The following PCSK5 variants were observed in gnomAD, a reference collection of about 807,000 sequenced individuals.
PCSK5 encodes prohormone convertase 5.
Under a neutral mutation model 233.2 loss-of-function variants are expected in PCSK5, and 129 were observed. The ratio of observed to expected loss-of-function variants is 0.55; its 90% CI spans 0.48 to 0.64. The LOEUF is 0.64. Ranked by LOEUF, PCSK5 falls within the 30% of genes least tolerant of loss-of-function variation. PCSK5 has a pLI of 0.00. For synonymous variants in PCSK5, 825 were observed against 879.2 expected (o/e 0.94, Z 1.09); for missense variants, 2,076 against 2,430.1 (o/e 0.85, Z 3.06).
chr9:76,104,926 T>C (rs1045994103), intron 8 of PCSK5, among the ~76,000 whole-genome samples: 3 of 152,216 alleles, frequency 2.0e-5, no homozygotes, highest in Admixed American at 2.0e-4. Flanking sequence ...TCTGGTGTGT[T>C]CATGCATTGA....
chr9:76,173,495 C>CTTTTTTTT lies in PCSK5; in HGVS notation c.1757-1491_1757-1490insTTTTTTTT, dbSNP rs1587715951. On this transcript the variant is annotated intron_variant, in intron 13 of 37. Coordinates refer to ENST00000674117, the MANE Select transcript of PCSK5 (RefSeq NM_001372043.1). ...ACTTTAATGAAATGGAGGCACGTTT[C>CTTTTTTTT]CTTTTTTTTTTTTTTTTTTTTTTTT... is the stretch of plus-strand genomic sequence containing the variant. Among the ~76,000 whole-genome samples, 297 of 34,514 alleles carry CTTTTTTTT rather than the reference C, an allele frequency of 8.6e-3. 24 individuals are homozygous for CTTTTTTTT. The highest frequency in any genetic ancestry group is 0.03 in the East Asian group (34 of 1,122). The allele number at this position is 34,514 out of a possible 152,430, so 22.6% of individuals were successfully genotyped here. A position where few individuals can be genotyped will look rare whatever the true frequency, so the allele number is the denominator to read the frequency against.
intron 5 of PCSK5, among the ~76,000 whole-genome samples, chr9:76,044,902 T>C (rs780537027): frequency 6.6e-6 from 1 of 152,198 alleles, no homozygotes; most frequent in Non-Finnish European, 1.5e-5. Flanking sequence ...TTTGTAATAA[T>C]TGGTCATTTA....
chr9:76,136,716 T>C (rs4745507), intron 10 of PCSK5, among the ~76,000 whole-genome samples: 39,119 of 151,772 alleles, frequency 0.26, 5,840 homozygotes, highest in East Asian at 0.58. Flanking sequence ...TAATAACTTG[T>C]TGGAAAAGTA....
intron 9 of PCSK5, among the ~76,000 whole-genome samples, chr9:76,124,868 G>T (rs1185835387): frequency 1.3e-5 from 2 of 150,530 alleles, no homozygotes. Context: ...TGCATCCTTT[G>T]CTTTTGCTAA....
chr9:75,893,615 C>T (rs1018153473), intron 1 of PCSK5, among the ~76,000 whole-genome samples: 8 of 152,150 alleles, frequency 5.3e-5, no homozygotes, highest in Non-Finnish European at 8.8e-5. Context: ...TCACCAAATC[C>T]ACTTTTGAAC....
chr9:76,311,833 T>C (rs1828872981), intron 30 of PCSK5, among the ~76,000 whole-genome samples: 1 of 152,198 alleles, frequency 6.6e-6, no homozygotes, highest in Non-Finnish European at 1.5e-5. Flanking sequence ...CTGGCACCGC[T>C]GCTGAGCCCA....
intron 12 of PCSK5, among the ~76,000 whole-genome samples, chr9:76,168,670 G>A (rs1043101225): frequency 6.6e-6 from 1 of 152,118 alleles, no homozygotes; most frequent in African/African-American, 2.4e-5. Context: ...GGGATTTCAG[G>A]CATAACTCCC....
intron 1 of PCSK5, among the ~76,000 whole-genome samples, chr9:75,928,447 A>G (rs371625391): frequency 6.6e-6 from 1 of 151,816 alleles, no homozygotes. Flanking sequence ...AATAACTTCC[A>G]ACATGTTGTG....
intron 13 of PCSK5, 77 bp downstream of exon 13, chr9:76,169,917 C>T: frequency 8.5e-7 from 1 of 1,183,106 alleles, no homozygotes; most frequent in Non-Finnish European, 1.2e-6. Flanking sequence ...GAGTGTTTCA[C>T]ACTCACATAT....
chr9:76,284,819 A>G (rs764707574), intron 24 of PCSK5, among the ~76,000 whole-genome samples: 26 of 152,278 alleles, frequency 1.7e-4, no homozygotes, highest in Non-Finnish European at 3.5e-4. Context: ...GGCTTGAGCC[A>G]CTGCGCCTGG....
At chr9:76,216,337 C>T (rs1825531918) in intron 20 of PCSK5, among the ~76,000 whole-genome samples, 1 of 152,090 alleles carries the variant, frequency 6.6e-6, no homozygotes, top group Non-Finnish European at 1.5e-5. Context: ...TGAGTCATAC[C>T]ACTCTGAAAT....
chr9:76,080,907 C>T (rs1051081144), intron 7 of PCSK5, among the ~76,000 whole-genome samples: 1 of 151,958 alleles, frequency 6.6e-6, no homozygotes, highest in Admixed American at 6.6e-5. Context: ...TGCAAAATAC[C>T]ATAAAATTTT....
At chr9:76,138,751 G>A (rs11144763) in intron 10 of PCSK5, among the ~76,000 whole-genome samples, 33,451 of 151,838 alleles carry the variant, frequency 0.22, 4,785 homozygotes, top group East Asian at 0.57. Flanking sequence ...AGGAATAGAC[G>A]TCAGATAATA....
chr9:76,333,136 C>A (rs1829582748), intron 34 of PCSK5, among the ~76,000 whole-genome samples: 1 of 152,200 alleles, frequency 6.6e-6, no homozygotes, highest in Admixed American at 6.5e-5. Context: ...TATGATTGCA[C>A]CACTGCACTC....
intron 10 of PCSK5, among the ~76,000 whole-genome samples, chr9:76,156,290 G>T (rs1822576112): frequency 6.6e-6 from 1 of 152,158 alleles, no homozygotes; most frequent in South Asian, 2.1e-4. Flanking sequence ...TTCTGAGACA[G>T]TTATGTCAAA....
At chr9:76,198,640 A>G (rs1411263304) in intron 20 of PCSK5, among the ~76,000 whole-genome samples, 1 of 152,202 alleles carries the variant, frequency 6.6e-6, no homozygotes, top group Non-Finnish European at 1.5e-5. Context: ...TCAAGTGAAG[A>G]TAGAAAGCAC....
intron 24 of PCSK5, among the ~76,000 whole-genome samples, chr9:76,284,566 C>A (rs1262540913): frequency 8.2e-6 from 1 of 121,512 alleles, no homozygotes; most frequent in Non-Finnish European, 1.6e-5. Flanking sequence ...GAGTTTCGCT[C>A]TTCTTGCTCA....
intron 3 of PCSK5, among the ~76,000 whole-genome samples, chr9:76,009,790 C>A (rs952013529): frequency 1.3e-5 from 2 of 151,900 alleles, no homozygotes; most frequent in African/African-American, 4.8e-5. Flanking sequence ...AAGGAATAAC[C>A]GTATTCAGAC....
rs1825805887 is a variant in PCSK5 at position 75,971,234 on chromosome 9, C to T, written c.298-14898C>T. Among the ~76,000 whole-genome samples the T allele has an allele frequency of 2.0e-5, 3 of 152,096 alleles. No homozygotes were observed. In the South Asian group the frequency reaches 6.2e-4, roughly 32 times the overall value. ...TTGCTGAGGATAATGACTTCCAGGT[C>T]CATCCGTGTCCCTGCAAAGGACATG... On this transcript the variant is annotated intron_variant, in intron 2 of 37. Transcript: ENST00000674117.
Sources: gnomAD v4.1 joint callset for allele counts (sites outside exome capture counted in the v4.1 genomes callset) on GRCh38, gnomAD v4.1.1 for gene constraint, MANE v1.5 for transcripts, NCBI Gene and HGNC (gene_info 2026-07-23, HGNC 2026-07-21) for gene names.